The following SCAI variants were observed in gnomAD, a reference collection of about 807,000 sequenced individuals.
SCAI encodes the protein protein SCAI.
SCAI carries 24 observed loss-of-function variants against 92.2 expected under a neutral mutation model. The ratio of observed to expected loss-of-function variants is 0.26; its 90% CI spans 0.19 to 0.37. The LOEUF (loss-of-function observed/expected upper bound fraction) is 0.37. SCAI is among the 10% of genes least tolerant of loss of function. SCAI has a pLI of 1.00. For missense variants in SCAI, 450 were observed against 736.2 expected, an observed-to-expected ratio of 0.61 and a Z score of 4.50; for synonymous variants, 261 against 258.6, an observed-to-expected ratio of 1.01 and a Z score of -0.09.
intron 2 of SCAI, among the ~76,000 whole-genome samples, chr9:125,056,694 A>T (rs541749299): frequency 6.6e-6 from 1 of 152,290 alleles, no homozygotes; most frequent in East Asian, 1.9e-4. Flanking sequence ...GATCCCACAA[A>T]TGGGAAAACA....
chr9:125,116,641 AC>A (rs1202709879), intron 2 of SCAI, among the ~76,000 whole-genome samples: 3 of 152,084 alleles, frequency 2.0e-5, no homozygotes, highest in African/African-American at 7.2e-5. Flanking sequence ...GACAAAACCC[AC>A]CAATAATATA....
At chr9:125,054,375 G>T (rs1214441850) in intron 3 of SCAI, among the ~76,000 whole-genome samples, 1 of 152,172 alleles carries the variant, frequency 6.6e-6, no homozygotes, top group Non-Finnish European at 1.5e-5. Context: ...GGCTTGCTGT[G>T]AGCAGAAGTT....
intron 3 of SCAI, among the ~76,000 whole-genome samples, chr9:125,035,684 C>T (rs1833180354): frequency 1.3e-5 from 2 of 152,030 alleles, no homozygotes; most frequent in Admixed American, 6.5e-5. Flanking sequence ...CTAGTGAAAA[C>T]ACAAAAAAGT....
At chr9:125,003,811 A>T in intron 9 of SCAI, 1 of 454,000 alleles carries the variant, frequency 2.2e-6, no homozygotes, top group East Asian at 3.9e-5. Flanking sequence ...GCTTTTTCAC[A>T]TACCTCTCCA....
Position 125,074,834 on chromosome 9 carries a change from G to A in SCAI, c.99-18827C>T, listed in dbSNP as rs1035300879. Among the ~76,000 whole-genome samples the A allele has an allele frequency of 3.3e-5, 5 of 151,598 alleles. No individual in the cohort carries two copies. In the East Asian group the frequency reaches 5.9e-4, roughly 18 times the overall value. ...AGCCTGAGCAACATGGCGAAACCCC[G>A]TTCCTACTAAAAATACAAAATTAGC... On this transcript the variant is annotated intron_variant, in intron 2 of 17. Transcript: ENST00000336505.
At chr9:125,004,799 T>TTG (rs1832468368) in intron 9 of SCAI, among the ~76,000 whole-genome samples, 1 of 102,232 alleles carries the variant, frequency 9.8e-6, no homozygotes, top group Non-Finnish European at 2.0e-5. Context: ...TTTTTTTTTT[T>TTG]TTTTTTGAGA....
chr9:125,051,829 G>A (rs58151483), intron 3 of SCAI, among the ~76,000 whole-genome samples: 28,519 of 152,194 alleles, frequency 0.19, 2,760 homozygotes, highest in East Asian at 0.24. Flanking sequence ...AGAACTTTGG[G>A]AGGCCAAGGC....
chr9:125,106,903 CAG>C (rs1415228209), intron 2 of SCAI, among the ~76,000 whole-genome samples: 14 of 145,082 alleles, frequency 9.6e-5, no homozygotes, highest in African/African-American at 3.6e-4. Flanking sequence ...TTTGTAGCAT[CAG>C]AGTCTCATTA....
intron 2 of SCAI, among the ~76,000 whole-genome samples, chr9:125,130,252 A>G (rs1835370429): frequency 6.6e-6 from 1 of 152,168 alleles, no homozygotes; most frequent in Non-Finnish European, 1.5e-5. Context: ...ACAAGACACA[A>G]ACGGAACAGA....
At chr9:125,005,702 G>A (rs1019867697) in intron 9 of SCAI, among the ~76,000 whole-genome samples, 1 of 152,188 alleles carries the variant, frequency 6.6e-6, no homozygotes, top group Non-Finnish European at 1.5e-5. Context: ...TTTTCCTGTA[G>A]TAAGGGTAGC....
chr9:125,015,851 T>TA (rs1033251737), intron 9 of SCAI, among the ~76,000 whole-genome samples: 3 of 151,758 alleles, frequency 2.0e-5, no homozygotes, highest in Non-Finnish European at 4.4e-5. Flanking sequence ...TATGCGGCCA[T>TA]AAAAAAGGAT....
intron 15 of SCAI, chr9:124,975,189 T>C: frequency 2.8e-6 from 1 of 352,378 alleles, no homozygotes; most frequent in South Asian, 2.1e-5. Context: ...AATTTTACTT[T>C]TGGATACATG....
At chr9:124,976,623 T>C (rs1203454248) in intron 14 of SCAI, among the ~76,000 whole-genome samples, 2 of 152,124 alleles carry the variant, frequency 1.3e-5, no homozygotes, top group East Asian at 1.9e-4. Flanking sequence ...TGGAATGACA[T>C]AAAAGACCAG....
chr9:124,991,606 AGGT>A (rs1832124851), intron 14 of SCAI, among the ~76,000 whole-genome samples: 1 of 151,920 alleles, frequency 6.6e-6, no homozygotes, highest in African/African-American at 2.4e-5. Flanking sequence ...CGGGAGGCTG[AGGT>A]GGGCGGATCA....
At chr9:125,138,435 G>A (rs1365567442) in intron 2 of SCAI, among the ~76,000 whole-genome samples, 1 of 143,418 alleles carries the variant, frequency 7.0e-6, no homozygotes, top group African/African-American at 2.6e-5. Context: ...TTTTTTTTTT[G>A]AGGCGGAGTC....
At position 124,943,951 on chromosome 9, in the gene SCAI, G is replaced by A. The variant is rs1338490109; in HGVS notation, c.*8856C>T. 3.9e-5 allele frequency: 6 copies of A among 152,124 alleles called. No individual in the cohort carries two copies. The highest frequency in any genetic ancestry group is 2.6e-4 in the Admixed American group (4 of 15,274). 9.4% of individuals were successfully genotyped at this position (152,124 alleles called of 1,614,324 possible). A position where few individuals can be genotyped will look rare whatever the true frequency, so the allele number is the denominator to read the frequency against. On this transcript the variant is annotated 3_prime_UTR_variant, in exon 18 of 18. Transcript: ENST00000336505. ...ACTATTTATACTGGTGCTACACAACGAAGATAACCTATATGGATAAGTTAT... is the reference window on the plus strand; with the variant it reads ...ACTATTTATACTGGTGCTACACAACAAAGATAACCTATATGGATAAGTTAT...
intron 2 of SCAI, among the ~76,000 whole-genome samples, chr9:125,099,526 C>G (rs1834635995): frequency 6.6e-6 from 1 of 152,148 alleles, no homozygotes; most frequent in South Asian, 2.1e-4. Context: ...AAGTGATGCA[C>G]CCGCCTCAGC....
chr9:124,981,613 G>C (rs893178945), intron 14 of SCAI, among the ~76,000 whole-genome samples: 1 of 151,988 alleles, frequency 6.6e-6, no homozygotes, highest in Non-Finnish European at 1.5e-5. Context: ...GAAAGCATGT[G>C]ATTGTCTTAT....
rs770415144 is a variant in SCAI at position 125,027,654 on chromosome 9, G to GCCA, written c.413+737_413+738insTGG. On this transcript the variant is annotated intron_variant, in intron 5 of 17. Transcript: ENST00000336505. Reference sequence around the variant, plus strand: ...TCCTCCCTCAGCCTCCCAAGTAGCTGGGATTACAGGCACCTGCCACCACAC... The same window carrying GCCA: ...TCCTCCCTCAGCCTCCCAAGTAGCTGCCAGGATTACAGGCACCTGCCACCACAC... 4.7e-3 allele frequency among the ~76,000 whole-genome samples: 715 copies of GCCA among 152,194 alleles called. 3 individuals carry two copies. Among genetic ancestry groups the GCCA allele is most frequent in the Non-Finnish European group, 6.6e-3 (446 of 68,014 alleles).
Sources: gnomAD v4.1 joint callset for allele counts (sites outside exome capture counted in the v4.1 genomes callset) on GRCh38, gnomAD v4.1.1 for gene constraint, MANE v1.5 for transcripts, NCBI Gene and HGNC (gene_info 2026-07-23, HGNC 2026-07-21) for gene names.